Variants in TM7SF3 observed in about 807,000 individuals in gnomAD.
TM7SF3 encodes seven span transmembrane protein.
TM7SF3 carries 60 observed loss-of-function variants against 65.5 expected under a neutral mutation model. The observed-to-expected ratio is 0.92, with a 90% CI of 0.74 to 1.14. The LOEUF (loss-of-function observed/expected upper bound fraction) is 1.14. TM7SF3 is among the 50% of genes most tolerant of loss of function. The pLI, the probability that TM7SF3 is intolerant of heterozygous loss-of-function variation, is 0.00. For synonymous variants in TM7SF3, 264 were observed against 259.6 expected (o/e 1.02, Z -0.16); for missense variants, 623 against 684.8 (o/e 0.91, Z 1.01).
intron 5 of TM7SF3, among the ~76,000 whole-genome samples, chr12:26,993,112 C>A (rs1339814107): frequency 6.6e-6 from 1 of 151,732 alleles, no homozygotes; most frequent in African/African-American, 2.4e-5. Flanking sequence ...TGCCACGTTG[C>A]CCAGGCTGGT....
rs893214643 is a variant in TM7SF3, at chr12:26,973,852, T to C, written c.*113A>G. On this transcript the variant is annotated 3_prime_UTR_variant, in exon 12 of 12. Coordinates refer to ENST00000343028, the MANE Select transcript of TM7SF3 (RefSeq NM_016551.3). The stretch of plus-strand genomic sequence containing the variant: ...TATCAATAAGGGCACCATAATATTA[T>C]GCAAAGAACAGATATATATGCCTGA... 1 of 1,321,832 alleles carries C rather than the reference T, an allele frequency of 7.6e-7. No homozygotes were observed. The highest frequency in any genetic ancestry group is 1.5e-5 in the African/African-American group (1 of 68,278). The allele number at this position is 1,321,832 out of a possible 1,614,324, so 81.9% of individuals were successfully genotyped here.
chr12:27,013,107 T>C (rs948358436), intron 1 of TM7SF3: 4 of 169,030 alleles, frequency 2.4e-5, no homozygotes, highest in Admixed American at 1.7e-4. Flanking sequence ...GAAGTGGCAA[T>C]AGAACTTCGT....
intron 5 of TM7SF3, among the ~76,000 whole-genome samples, chr12:26,991,844 AAAGT>A (rs2136414873): frequency 6.6e-6 from 1 of 152,294 alleles, no homozygotes; most frequent in East Asian, 1.9e-4. Context: ...TTTCCTGCTG[AAAGT>A]AAGTTACAGA....
In TM7SF3 at chr12:26,998,817, C is replaced by T. The variant is rs557957349; in HGVS notation, c.397+709G>A. Reference sequence around the variant, plus strand: ...CCTCTGCTTAAAAACTCTATGCCTCCTTAGAACCTACCTCGAAATAAAGTA... The same window carrying T: ...CCTCTGCTTAAAAACTCTATGCCTCTTTAGAACCTACCTCGAAATAAAGTA... On this transcript the variant is annotated intron_variant, in intron 3 of 11. Transcript: ENST00000343028. Among the ~76,000 whole-genome samples the T allele has an allele frequency of 4.0e-4, 61 of 152,298 alleles. 1 individual carries two copies. The highest frequency in any genetic ancestry group is 1.4e-3 in the African/African-American group (57 of 41,564).
chr12:26,985,961 A>C (rs1940071525), intron 6 of TM7SF3, among the ~76,000 whole-genome samples: 1 of 149,646 alleles, frequency 6.7e-6, no homozygotes. Flanking sequence ...CTGGGACTAC[A>C]GGCGCCCACC....
intron 1 of TM7SF3, among the ~76,000 whole-genome samples, chr12:27,008,726 CAT>C (rs1019936305): frequency 2.0e-5 from 3 of 152,234 alleles, no homozygotes; most frequent in Admixed American, 6.5e-5. Context: ...TTCATTGTTT[CAT>C]ATGTTCATCT....
intron 1 of TM7SF3, among the ~76,000 whole-genome samples, chr12:27,011,049 A>T (rs1941226291): frequency 1.3e-5 from 2 of 152,218 alleles, no homozygotes; most frequent in South Asian, 4.1e-4. Context: ...TCACATTAAA[A>T]ACAAAAATGG....
chr12:26,999,684 C>T lies in TM7SF3; in HGVS notation c.247-8G>A. ...GGAATTGGAAAGGAGAGTCTGCAGTCCAGAAGAAACATTGTCATGAATAGG... is the reference window on the plus strand; with the variant it reads ...GGAATTGGAAAGGAGAGTCTGCAGTTCAGAAGAAACATTGTCATGAATAGG... On this transcript the variant is annotated splice_region_variant and splice_polypyrimidine_tract_variant and intron_variant, in intron 2 of 11. Transcript: ENST00000343028. 1 of 1,613,770 alleles carries T rather than the reference C, an allele frequency of 6.2e-7. No homozygotes were observed. The highest frequency in any genetic ancestry group is 8.5e-7 in the Non-Finnish European group (1 of 1,179,904).
intron 11 of TM7SF3, among the ~76,000 whole-genome samples, chr12:26,974,787 G>A (rs1939501685): frequency 6.6e-6 from 1 of 152,162 alleles, no homozygotes; most frequent in South Asian, 2.1e-4. Flanking sequence ...GGTTTTCAAG[G>A]ATTTCAAGGT....
At chr12:26,977,299 A>C (rs1266127240) in intron 9 of TM7SF3, among the ~76,000 whole-genome samples, 1 of 152,260 alleles carries the variant, frequency 6.6e-6, no homozygotes, top group African/African-American at 2.4e-5. Flanking sequence ...AAAGGCTTTC[A>C]AGAAATCTAA....
At position 27,014,216 on chromosome 12, in the gene TM7SF3, G is replaced by A; in HGVS notation, c.-48C>T. On this transcript the variant is annotated 5_prime_UTR_variant, in exon 1 of 12. Transcript: ENST00000343028. ...CCACGCCAGGGCTGGGGAGAGGTGC[G>A]GGCGTGCGCGCCGGGGCCCCGCAGC... 4 of 1,528,186 alleles carry A rather than the reference G, an allele frequency of 2.6e-6. No individual in the cohort carries two copies. Among genetic ancestry groups the A allele is most frequent in the South Asian group, 1.2e-5 (1 of 83,282 alleles). The allele number at this position is 1,528,186 out of a possible 1,614,324, so 94.7% of individuals were successfully genotyped here.
At position 27,006,776 on chromosome 12, in the gene TM7SF3, C is replaced by T. The variant is rs143392482; in HGVS notation, c.92-3386G>A. 3.2e-3 allele frequency among the ~76,000 whole-genome samples: 494 copies of T among 152,320 alleles called. 5 individuals carry two copies. The highest frequency in any genetic ancestry group is 9.8e-4 in the Non-Finnish European group (67 of 68,034). On this transcript the variant is annotated intron_variant, in intron 1 of 11. Coordinates refer to ENST00000343028, the MANE Select transcript of TM7SF3 (RefSeq NM_016551.3). ...TCTTATATATCTTTCCATAGCAACA[C>T]AGATAATGCTAGCTTTACCATTTTA... is the stretch of plus-strand genomic sequence containing the variant.
intron 5 of TM7SF3, among the ~76,000 whole-genome samples, chr12:26,992,735 T>C (rs571835472): frequency 6.6e-6 from 1 of 152,280 alleles, no homozygotes; most frequent in South Asian, 2.1e-4. Flanking sequence ...TACTGTATAT[T>C]GCTAGCTCAG....
chr12:26,998,813 C>T (rs1312367160), intron 3 of TM7SF3, among the ~76,000 whole-genome samples: 1 of 152,180 alleles, frequency 6.6e-6, no homozygotes, highest in Admixed American at 6.5e-5. Context: ...AAACTCTATG[C>T]CTCCTTAGAA....
At chr12:26,976,018 T>C (rs556674519) in intron 10 of TM7SF3, among the ~76,000 whole-genome samples, 1 of 152,282 alleles carries the variant, frequency 6.6e-6, no homozygotes, top group East Asian at 1.9e-4. Context: ...CTGCTCCCAC[T>C]GTTAAAAGCA....
At chr12:27,001,912 A>G (rs532313893) in intron 2 of TM7SF3, among the ~76,000 whole-genome samples, 1 of 152,304 alleles carries the variant, frequency 6.6e-6, no homozygotes, top group African/African-American at 2.4e-5. Flanking sequence ...AGCTGCAAAG[A>G]ACTTGGGCAA....
rs753980005 is a variant in TM7SF3, at chr12:26,974,198, G to A, written c.1480C>T (p.Leu494=). The change falls in exon 12 of 12, where the codon CTG becomes TTG. Residue 494 remains leucine (L), a synonymous_variant. Transcript: ENST00000343028. ...TGTAACGTAATTCCACTTACAGCCAGCATGCCCCATACTGCCAGGATAATG... is the reference window on the plus strand; with the variant it reads ...TGTAACGTAATTCCACTTACAGCCAACATGCCCCATACTGCCAGGATAATG... ...DFIILAVWGM[L]AVSGITLQIR... 2.5e-6 allele frequency: 4 copies of A among 1,614,022 alleles called. No homozygotes were observed. The East Asian group carries it at 6.7e-5, about 27-fold the overall frequency.
At chr12:26,983,063 A>AT (rs1939886401) in intron 6 of TM7SF3, among the ~76,000 whole-genome samples, 1 of 152,186 alleles carries the variant, frequency 6.6e-6, no homozygotes, top group Non-Finnish European at 1.5e-5. Flanking sequence ...AACTGCTGCT[A>AT]TAACAAAAAG....
intron 3 of TM7SF3, among the ~76,000 whole-genome samples, chr12:26,997,943 A>G (rs1940668471): frequency 1.3e-5 from 2 of 149,336 alleles, no homozygotes; most frequent in Non-Finnish European, 3.0e-5. Flanking sequence ...CTCCTGCCGC[A>G]GCCTCCTGAG....
Sources: allele counts gnomAD v4.1 joint callset (sites outside exome capture counted in the v4.1 genomes callset), GRCh38; gene constraint gnomAD v4.1.1; transcripts MANE v1.5; gene names NCBI Gene and HGNC (gene_info 2026-07-23, HGNC 2026-07-21).